Variants in GAREM1 observed in about 807,000 individuals in gnomAD.
GAREM1 encodes the protein GRB2 associated regulator of MAPK1 subtype 1, also known as GRB2-associated and regulator of MAPK protein 1.
Under a neutral mutation model 71.3 loss-of-function variants are expected in GAREM1, and 26 were observed. That is an observed-to-expected ratio of 0.36 (90% CI 0.27 to 0.51). The LOEUF (loss-of-function observed/expected upper bound fraction) is 0.51, where lower values mean the gene tolerates loss of function less well. GAREM1 is among the 20% of genes least tolerant of loss of function. The pLI is 0.95. For missense variants in GAREM1, 1,026 were observed against 1,103.1 expected, an observed-to-expected ratio of 0.93 and a Z score of 0.99; for synonymous variants, 440 against 433.2, an observed-to-expected ratio of 1.02 and a Z score of -0.20.
chr18:32,434,719 G>T (rs73954805), intron 1 of GAREM1, among the ~76,000 whole-genome samples: 14,273 of 152,008 alleles, frequency 0.094, 802 homozygotes, highest in African/African-American at 0.16. Flanking sequence ...AAACATAGAA[G>T]GAAGGAGGGA....
intron 2 of GAREM1, among the ~76,000 whole-genome samples, chr18:32,353,498 T>G (rs1179395568): frequency 6.6e-6 from 1 of 152,204 alleles, no homozygotes; most frequent in Non-Finnish European, 1.5e-5. Flanking sequence ...CTTTTATAAG[T>G]CCTCAAGTAA....
intron 2 of GAREM1, among the ~76,000 whole-genome samples, chr18:32,384,786 G>T (rs1199663129): frequency 6.6e-6 from 1 of 152,130 alleles, no homozygotes; most frequent in Non-Finnish European, 1.5e-5. Context: ...GGACTAGAAA[G>T]CTATACTGAA....
At chr18:32,443,070 A>C (rs970855505) in intron 1 of GAREM1, among the ~76,000 whole-genome samples, 1 of 152,178 alleles carries the variant, frequency 6.6e-6, no homozygotes, top group Non-Finnish European at 1.5e-5. Context: ...CAAACACTAG[A>C]AACACACCGA....
chr18:32,398,078 A>G (rs1034250374), intron 1 of GAREM1, among the ~76,000 whole-genome samples: 1 of 152,146 alleles, frequency 6.6e-6, no homozygotes, highest in Non-Finnish European at 1.5e-5. Context: ...GGTACATAAC[A>G]AAATGAAGGC....
At chr18:32,273,005 T>C (rs1356419109) in intron 4 of GAREM1, among the ~76,000 whole-genome samples, 2 of 152,210 alleles carry the variant, frequency 1.3e-5, no homozygotes, top group Admixed American at 6.5e-5. Context: ...GCCAGATGTG[T>C]TTCTTTCTTA....
At position 32,301,005 on chromosome 18, in the gene GAREM1, A is replaced by C. The variant is rs1038771847; in HGVS notation, c.393+9188T>G. On this transcript the variant is annotated intron_variant, in intron 3 of 5. Transcript: ENST00000269209. ...GCACTTTTTCAGACGGCAACTTTTA[A>C]AACGGCAACAAATATGTTAAAATAA... 3.9e-5 allele frequency among the ~76,000 whole-genome samples: 6 copies of C among 152,266 alleles called. No homozygotes were observed. In the East Asian group the frequency reaches 9.6e-4, roughly 24 times the overall value.
intron 1 of GAREM1, among the ~76,000 whole-genome samples, chr18:32,465,240 G>A (rs1300983998): frequency 6.6e-6 from 1 of 151,988 alleles, no homozygotes; most frequent in African/African-American, 2.4e-5. Flanking sequence ...GTTACTTTGG[G>A]AAAAAGAAAA....
intron 4 of GAREM1, among the ~76,000 whole-genome samples, chr18:32,281,312 G>GT (rs35148784): frequency 6.6e-6 from 1 of 151,738 alleles, no homozygotes; most frequent in Non-Finnish European, 1.5e-5. Flanking sequence ...AGTTAAATCA[G>GT]TTTTTTTTCA....
chr18:32,363,997 T>TATATAC (rs1555638705), intron 2 of GAREM1, among the ~76,000 whole-genome samples: 4 of 28,920 alleles, frequency 1.4e-4, no homozygotes, highest in African/African-American at 8.7e-4. Flanking sequence ...CATATATACA[T>TATATAC]ATATATATAT....
At chr18:32,448,328 T>C (rs2048802989) in intron 1 of GAREM1, among the ~76,000 whole-genome samples, 1 of 152,196 alleles carries the variant, frequency 6.6e-6, no homozygotes, top group African/African-American at 2.4e-5. Context: ...AATTATCACC[T>C]GGTACAAATG....
Position 32,268,362 on chromosome 18 carries a change from C to G in GAREM1, c.2140G>C (p.Gly714Arg), listed in dbSNP as rs1179693491. Residue 714 changes from glycine (G) to arginine (R), a missense_variant, in exon 6 of 6, where the codon GGT becomes CGT. Coordinates refer to ENST00000269209, the MANE Select transcript of GAREM1 (RefSeq NM_001242409.2). ...CATGACGTACTCTGCTTTGTCACAC[C>G]AGCTGCAAGAGATTTCACATCTGTG... is the stretch of plus-strand genomic sequence containing the variant. ...ESTDVKSLAA[G>R]VTKQSTSCPA... 1.2e-6 allele frequency: 2 copies of G among 1,614,156 alleles called. No individual in the cohort carries two copies. Among genetic ancestry groups the G allele is most frequent in the South Asian group, 1.1e-5 (1 of 91,080 alleles).
chr18:32,360,171 T>C (rs2047852286), intron 2 of GAREM1, among the ~76,000 whole-genome samples: 1 of 152,022 alleles, frequency 6.6e-6, no homozygotes, highest in Non-Finnish European at 1.5e-5. Context: ...ATTCTGGATT[T>C]ATTTCTGCAA....
At chr18:32,333,895 C>G (rs990608959) in intron 2 of GAREM1, among the ~76,000 whole-genome samples, 7 of 152,206 alleles carry the variant, frequency 4.6e-5, no homozygotes, top group Non-Finnish European at 1.5e-5. Context: ...GGTCGCTACA[C>G]AGGCCGGTGT....
intron 3 of GAREM1, among the ~76,000 whole-genome samples, chr18:32,301,756 A>T (rs1188999036): frequency 6.6e-6 from 1 of 152,170 alleles, no homozygotes; most frequent in Non-Finnish European, 1.5e-5. Flanking sequence ...TTTTACACTG[A>T]AGGCTATCTC....
chr18:32,409,768 A>C (rs1268149009), intron 1 of GAREM1, among the ~76,000 whole-genome samples: 2 of 152,172 alleles, frequency 1.3e-5, no homozygotes, highest in African/African-American at 4.8e-5. Context: ...TTAAAAGATA[A>C]GATTTCTACG....
intron 1 of GAREM1, among the ~76,000 whole-genome samples, chr18:32,423,105 C>T (rs1224625272): frequency 6.6e-6 from 1 of 152,186 alleles, no homozygotes; most frequent in African/African-American, 2.4e-5. Flanking sequence ...CAGGGGAACA[C>T]AGTGAAGCAA....
At chr18:32,373,876 C>G (rs971765197) in intron 2 of GAREM1, among the ~76,000 whole-genome samples, 3 of 152,178 alleles carry the variant, frequency 2.0e-5, no homozygotes, top group Non-Finnish European at 4.4e-5. Flanking sequence ...GATGAGAATT[C>G]CTGGCAAAAT....
intron 1 of GAREM1, among the ~76,000 whole-genome samples, chr18:32,441,321 G>A (rs974081501): frequency 4.6e-5 from 7 of 151,218 alleles, no homozygotes; most frequent in African/African-American, 1.7e-4. Flanking sequence ...CAACAACAAC[G>A]TCTAGCATAA....
chr18:32,375,777 T>C (rs1347231982), intron 2 of GAREM1, among the ~76,000 whole-genome samples: 1 of 152,058 alleles, frequency 6.6e-6, no homozygotes, highest in Non-Finnish European at 1.5e-5. Flanking sequence ...ATCTACTTTA[T>C]ATGGAATATA....
Sources: gnomAD v4.1 joint callset for allele counts (sites outside exome capture counted in the v4.1 genomes callset) on GRCh38, gnomAD v4.1.1 for gene constraint, MANE v1.5 for transcripts, NCBI Gene and HGNC (gene_info 2026-07-23, HGNC 2026-07-21) for gene names.